Variants in RPRD2 observed in about 807,000 individuals in gnomAD.
RPRD2 encodes regulation of nuclear pre-mRNA domain-containing protein 2.
A neutral mutation model predicts 104.4 loss-of-function variants in RPRD2; 12 were observed. The ratio of observed to expected loss-of-function variants is 0.11; its 90% CI spans 0.07 to 0.19. RPRD2 has a LOEUF of 0.19. Among genes scored for constraint, RPRD2 ranks in the 10% least tolerant of loss-of-function variants. The pLI, the probability that RPRD2 is intolerant of heterozygous loss-of-function variation, is 1.00. For synonymous variants in RPRD2, 714 were observed against 684.9 expected, an observed-to-expected ratio of 1.04 and a Z score of -0.66; for missense variants, 1,543 against 1,790.1, an observed-to-expected ratio of 0.86 and a Z score of 2.49.
chr1:150,376,661 C>T lies in RPRD2; in HGVS notation c.205+11742C>T, dbSNP rs782166227. On this transcript the variant is annotated intron_variant, in intron 1 of 10. Coordinates refer to ENST00000369068, the MANE Select transcript of RPRD2 (RefSeq NM_015203.5). ...GACTACAGGCGCCCGCCACCACGCC[C>T]GGCTGATTTTTTGTATTTTTAGTAG... 2.1e-4 allele frequency among the ~76,000 whole-genome samples: 32 copies of T among 151,690 alleles called. No homozygotes were observed. In the South Asian group the frequency reaches 4.8e-3, roughly 23 times the overall value.
chr1:150,442,509 G>A (rs1426101141), intron 4 of RPRD2, among the ~76,000 whole-genome samples: 1 of 152,172 alleles, frequency 6.6e-6, no homozygotes, highest in African/African-American at 2.4e-5. Flanking sequence ...GCATGTGATA[G>A]GCTGCTGTGG....
In RPRD2 at chr1:150,452,661, C is replaced by CCTTTTTTTTTTTTTTTTTTTTTTTTTT. The variant is rs1553896876; in HGVS notation, c.871-4627_871-4626insCTTTTTTTTTTTTTTTTTTTTTTTTTT. ...TTTCTGTGTTCTTTTGACATATCCC[C>CCTTTTTTTTTTTTTTTTTTTTTTTTTT]TTTTTTTTTTTTTTTTTTTTTTTTT... On this transcript the variant is annotated intron_variant, in intron 7 of 10. Coordinates refer to ENST00000369068, the MANE Select transcript of RPRD2 (RefSeq NM_015203.5). Among the ~76,000 whole-genome samples the CCTTTTTTTTTTTTTTTTTTTTTTTTTT allele has an allele frequency of 2.8e-5, 2 of 71,220 alleles. 1 individual carries two copies. The highest frequency in any genetic ancestry group is 1.1e-4 in the African/African-American group (2 of 17,432). The allele number at this position is 71,220 out of a possible 152,430, so 46.7% of individuals were successfully genotyped here. A position where few individuals can be genotyped will look rare whatever the true frequency, so the allele number is the denominator to read the frequency against.
intron 7 of RPRD2, among the ~76,000 whole-genome samples, chr1:150,446,791 A>C (rs1553895578): frequency 6.6e-6 from 1 of 151,690 alleles, no homozygotes; most frequent in African/African-American, 2.4e-5. Context: ...GTAAACTTGT[A>C]CAAGGTAATA....
intron 1 of RPRD2, among the ~76,000 whole-genome samples, chr1:150,416,252 G>A (rs1664319752): frequency 6.6e-6 from 1 of 151,630 alleles, no homozygotes; most frequent in African/African-American, 2.4e-5. Context: ...TTTAAATAAT[G>A]GACAGAGACT....
chr1:150,401,428 C>T (rs1480156789), intron 1 of RPRD2, among the ~76,000 whole-genome samples: 1 of 151,774 alleles, frequency 6.6e-6, no homozygotes, highest in Non-Finnish European at 1.5e-5. Context: ...ACGGAGGTTG[C>T]AGTGAGCTGA....
intron 1 of RPRD2, among the ~76,000 whole-genome samples, chr1:150,395,389 G>A (rs1443318577): frequency 1.3e-5 from 2 of 152,018 alleles, no homozygotes; most frequent in Non-Finnish European, 2.9e-5. Flanking sequence ...GTGTGTGTGT[G>A]TGTGTGTGTG....
In RPRD2 at chr1:150,476,193, T is replaced by C. The variant is rs1363225539; in HGVS notation, c.*2859T>C. On this transcript the variant is annotated 3_prime_UTR_variant, in exon 11 of 11. Transcript: ENST00000369068. ...GGAAAATAAGCAGAGAATAGGACTT[T>C]TATACTTTCCAATACCAGGAATAAA... The C allele has an allele frequency of 6.6e-6, 1 of 152,192 alleles. No homozygotes were observed. The highest frequency in any genetic ancestry group is 1.5e-5 in the Non-Finnish European group (1 of 68,036). 9.4% of individuals were successfully genotyped at this position (152,192 alleles called of 1,614,324 possible). A position where few individuals can be genotyped will look rare whatever the true frequency, so the allele number is the denominator to read the frequency against.
chr1:150,419,935 C>T (rs1553889336), intron 2 of RPRD2, among the ~76,000 whole-genome samples: 2 of 151,970 alleles, frequency 1.3e-5, no homozygotes, highest in Admixed American at 6.6e-5. Context: ...GCCTTGTTAC[C>T]CTAATTTTAA....
intron 9 of RPRD2, among the ~76,000 whole-genome samples, chr1:150,461,950 C>G (rs1667961133): frequency 6.8e-6 from 1 of 147,954 alleles, no homozygotes; most frequent in South Asian, 2.2e-4. Flanking sequence ...ACTGCACAGC[C>G]TGGGCGACAG....
chr1:150,425,880 G>A (rs1665087306), intron 2 of RPRD2, among the ~76,000 whole-genome samples: 1 of 152,152 alleles, frequency 6.6e-6, no homozygotes, highest in Admixed American at 6.5e-5. Flanking sequence ...GGAGGCCAAG[G>A]CAGCAGTATC....
intron 6 of RPRD2, 129 bp downstream of exon 6, chr1:150,444,506 C>A (rs1553895210): frequency 2.4e-6 from 2 of 819,786 alleles, no homozygotes; most frequent in Non-Finnish European, 3.7e-6. Flanking sequence ...TCTGGTTTCC[C>A]AGGTAGTTAT....
At chr1:150,386,873 A>C (rs11205365) in intron 1 of RPRD2, among the ~76,000 whole-genome samples, 2 of 152,222 alleles carry the variant, frequency 1.3e-5, no homozygotes, top group African/African-American at 4.8e-5. Context: ...TATGTACAGT[A>C]GTGAATTTTA....
At chr1:150,446,469 A>T (rs1425954464) in intron 7 of RPRD2, 68 bp downstream of exon 7, 2 of 1,295,572 alleles carry the variant, frequency 1.5e-6, no homozygotes, top group African/African-American at 3.0e-5. Context: ...GTTAACATGC[A>T]TTATCTAACT....
intron 2 of RPRD2, among the ~76,000 whole-genome samples, chr1:150,429,614 C>A (rs587713624): frequency 6.6e-6 from 1 of 152,274 alleles, no homozygotes; most frequent in Non-Finnish European, 1.5e-5. Flanking sequence ...CTCGACCTAC[C>A]AAACTACGAG....
At chr1:150,388,927 A>C (rs1165010038) in intron 1 of RPRD2, among the ~76,000 whole-genome samples, 1 of 152,078 alleles carries the variant, frequency 6.6e-6, no homozygotes, top group Non-Finnish European at 1.5e-5. Flanking sequence ...TTAAGAGTCC[A>C]TATTTTATGA....
intron 1 of RPRD2, among the ~76,000 whole-genome samples, chr1:150,414,062 G>A (rs1050094300): frequency 6.6e-6 from 1 of 152,104 alleles, no homozygotes; most frequent in Non-Finnish European, 1.5e-5. Flanking sequence ...CTGCATTCCA[G>A]CCTGGGTGAC....
rs746929633 is a variant in RPRD2, at chr1:150,448,993, A to G, written c.870+2592A>G. Among the ~76,000 whole-genome samples, 29 of 152,222 alleles carry G rather than the reference A, an allele frequency of 1.9e-4. 1 individual carries two copies. Among genetic ancestry groups the G allele is most frequent in the Non-Finnish European group, 3.8e-4 (26 of 68,030 alleles). On this transcript the variant is annotated intron_variant, in intron 7 of 10. Coordinates refer to ENST00000369068, the MANE Select transcript of RPRD2 (RefSeq NM_015203.5). Reference sequence around the variant, plus strand: ...TTTAGAAATGTCTTAGGCTGGGCACAGTGGCTCATGCCTGTAATTCCAACA... The same window carrying G: ...TTTAGAAATGTCTTAGGCTGGGCACGGTGGCTCATGCCTGTAATTCCAACA...
Position 150,470,694 on chromosome 1 carries a change from C to T in RPRD2, c.1746C>T (p.Ala582=). ...AGGGAAGAAATCTGCCCTCCAGTGC[C>T]CAACCTTTTATTCCCAAAAGCTTCA... ...TIKGRNLPSS[A]QPFIPKSFNY... Residue 582 remains alanine, a synonymous_variant, in exon 11 of 11, where the codon GCC becomes GCT. Coordinates refer to ENST00000369068, the MANE Select transcript of RPRD2 (RefSeq NM_015203.5). 6.2e-7 allele frequency: 1 copy of T among 1,614,056 alleles called. No homozygotes were observed.
In RPRD2 at chr1:150,472,767, T is replaced by C. The variant is rs1328665097; in HGVS notation, c.3819T>C (p.Pro1273=). 4.6e-5 allele frequency: 74 copies of C among 1,608,850 alleles called. No individual in the cohort carries two copies. Among genetic ancestry groups the C allele is most frequent in the Non-Finnish European group, 6.0e-5 (70 of 1,176,162 alleles). ...TTCCTTTCCCTACCCCACCTCCTCC[T>C]CCCCCTCCTGGGGAACATAGCAGCA... The part of the protein sequence containing the change: ...SGIPFPTPPP[P]PPPGEHSSSG... The change falls in exon 11 of 11, where the codon CCT becomes CCC. Residue 1273 remains proline, a synonymous_variant. Coordinates refer to ENST00000369068, the MANE Select transcript of RPRD2 (RefSeq NM_015203.5).
Sources: allele counts gnomAD v4.1 joint callset (sites outside exome capture counted in the v4.1 genomes callset), GRCh38; gene constraint gnomAD v4.1.1; transcripts MANE v1.5; gene names NCBI Gene and HGNC (gene_info 2026-07-23, HGNC 2026-07-21).